FHIP1A: variants seen among roughly 807,000 people sequenced by gnomAD.
The protein encoded by FHIP1A is FHF complex subunit HOOK-interacting protein 1A.
Under a neutral mutation model 88.6 loss-of-function variants are expected in FHIP1A, and 61 were observed. The observed-to-expected ratio is 0.69, with a 90% confidence interval of 0.56 to 0.85. The LOEUF (loss-of-function observed/expected upper bound fraction) is 0.85. Ranked by LOEUF, FHIP1A falls within the 40% of genes least tolerant of loss-of-function variation. The pLI, the probability that FHIP1A is intolerant of heterozygous loss-of-function variation, is 0.00. For synonymous variants in FHIP1A, 478 were observed against 496.0 expected, an observed-to-expected ratio of 0.96 and a Z score of 0.48; for missense variants, 1,154 against 1,273.5, an observed-to-expected ratio of 0.91 and a Z score of 1.43.
chr4:151,566,022 AT>A, intron 3 of FHIP1A, 115 bp from the exon 4 acceptor site: 2 of 321,020 alleles, frequency 6.2e-6, no homozygotes, highest in Non-Finnish European at 5.7e-6. Flanking sequence ...TGTTTTGTAG[AT>A]TTTTTTCTGT....
At chr4:151,513,607 G>C (rs1486089189) in intron 3 of FHIP1A, among the ~76,000 whole-genome samples, 1 of 151,824 alleles carries the variant, frequency 6.6e-6, no homozygotes, top group Non-Finnish European at 1.5e-5. Context: ...GATGGAGGAA[G>C]ATCTACCAAG....
intron 2 of FHIP1A, among the ~76,000 whole-genome samples, chr4:151,459,201 G>A (rs967323002): frequency 1.3e-5 from 2 of 151,708 alleles, no homozygotes; most frequent in African/African-American, 4.8e-5. Flanking sequence ...ACACACACGT[G>A]CACAAAAAGT....
At chr4:151,586,142 C>T (rs1490423350) in intron 5 of FHIP1A, among the ~76,000 whole-genome samples, 1 of 152,120 alleles carries the variant, frequency 6.6e-6, no homozygotes, top group Non-Finnish European at 1.5e-5. Context: ...TGGAATCTTT[C>T]CCATAAAGCT....
Position 151,638,788 on chromosome 4 carries a change from A to G in FHIP1A, c.1226+32A>G, listed in dbSNP as rs536287650. On this transcript the variant is annotated intron_variant, in intron 9 of 13. Coordinates refer to ENST00000435205, the MANE Select transcript of FHIP1A (RefSeq NM_001109977.3). ...TGCCTTTTTTGTTTCCTTTAAAGAAAAATTCACTTTATACTTTATATTACT... is the reference window on the plus strand; with the variant it reads ...TGCCTTTTTTGTTTCCTTTAAAGAAGAATTCACTTTATACTTTATATTACT... 4 of 1,256,606 alleles carry G rather than the reference A, an allele frequency of 3.2e-6. No homozygotes were observed. The East Asian group carries it at 1.0e-4, about 32-fold the overall frequency. 77.8% of individuals were successfully genotyped at this position (1,256,606 alleles called of 1,614,324 possible).
At chr4:151,555,971 T>A (rs1257999580) in intron 3 of FHIP1A, among the ~76,000 whole-genome samples, 1 of 152,136 alleles carries the variant, frequency 6.6e-6, no homozygotes, top group Non-Finnish European at 1.5e-5. Context: ...TACTCTAAGG[T>A]TTACATTCTC....
chr4:151,650,494 T>A lies in FHIP1A; in HGVS notation c.2453T>A (p.Met818Lys). The A allele has an allele frequency of 6.4e-7, 1 of 1,551,564 alleles. No individual in the cohort carries two copies. The highest frequency in any genetic ancestry group is 2.0e-5 in the Admixed American group (1 of 51,010). Reference protein sequence around the residue: ...EDDFDSFIAEMPAVETVPSPF... With the variant: ...EDDFDSFIAEKPAVETVPSPF... Reference sequence around the variant, plus strand: ...GACTTTGACTCTTTTATAGCGGAGATGCCTGCTGTAGAGACTGTGCCTTCC... The same window carrying A: ...GACTTTGACTCTTTTATAGCGGAGAAGCCTGCTGTAGAGACTGTGCCTTCC... The change falls in exon 11 of 14, where the codon ATG becomes AAG. Residue 818 changes from methionine to lysine, a missense_variant. Coordinates refer to ENST00000435205, the MANE Select transcript of FHIP1A (RefSeq NM_001109977.3).
intron 4 of FHIP1A, among the ~76,000 whole-genome samples, chr4:151,575,307 T>C (rs1245003330): frequency 1.3e-5 from 2 of 152,150 alleles, no homozygotes; most frequent in Non-Finnish European, 2.9e-5. Flanking sequence ...GGCTGGACCA[T>C]GTGTGGTGTG....
intron 3 of FHIP1A, among the ~76,000 whole-genome samples, chr4:151,546,977 G>T (rs1340185044): frequency 6.6e-6 from 1 of 152,048 alleles, no homozygotes; most frequent in African/African-American, 2.4e-5. Flanking sequence ...AGCAGCACCC[G>T]CCACCCCCTG....
At position 151,649,684 on chromosome 4, in the gene FHIP1A, C is replaced by T. The variant is rs1345097234; in HGVS notation, c.1643C>T (p.Ala548Val). The T allele has an allele frequency of 6.4e-7, 1 of 1,551,504 alleles. No homozygotes were observed. The highest frequency in any genetic ancestry group is 8.7e-7 in the Non-Finnish European group (1 of 1,146,924). The change falls in exon 11 of 14, where the codon GCC becomes GTC. Residue 548 changes from alanine (A) to valine (V), a missense_variant. Ala to Val is a moderately conservative substitution (Grantham distance 64, BLOSUM62 0). Transcript: ENST00000435205. ...SLTEEGSVSS[A>V]CPVFGLPQQL... ...ACGGAGGAGGGCAGTGTGAGCTCGGCCTGCCCTGTGTTCGGGCTCCCGCAA... is the reference window on the plus strand; with the variant it reads ...ACGGAGGAGGGCAGTGTGAGCTCGGTCTGCCCTGTGTTCGGGCTCCCGCAA...
intron 1 of FHIP1A, among the ~76,000 whole-genome samples, chr4:151,413,534 A>G (rs1042353675): frequency 2.5e-4 from 38 of 152,176 alleles, no homozygotes; most frequent in Admixed American, 3.9e-4. Context: ...AGCTCACTGC[A>G]ACCTTCGCCT....
intron 3 of FHIP1A, among the ~76,000 whole-genome samples, chr4:151,525,854 T>A (rs1975456): frequency 0.52 from 78,037 of 150,674 alleles, 20,532 homozygotes; most frequent in African/African-American, 0.55. Flanking sequence ...AGGTCAGCAG[T>A]TAAACAAGTG....
intron 3 of FHIP1A, among the ~76,000 whole-genome samples, chr4:151,521,623 C>G (rs192537954): frequency 6.6e-6 from 1 of 152,200 alleles, no homozygotes; most frequent in Non-Finnish European, 1.5e-5. Context: ...ACTGTTATAT[C>G]TGCCTTCTAA....
At chr4:151,505,970 T>C (rs1452563434) in intron 3 of FHIP1A, among the ~76,000 whole-genome samples, 1 of 152,214 alleles carries the variant, frequency 6.6e-6, no homozygotes, top group South Asian at 2.1e-4. Context: ...TCACCCAAGC[T>C]GGAGTACAGT....
intron 1 of FHIP1A, among the ~76,000 whole-genome samples, chr4:151,411,363 A>C (rs1390702541): frequency 3.7e-5 from 1 of 27,032 alleles, no homozygotes; most frequent in African/African-American, 1.4e-4. Context: ...TTTTTTTTTT[A>C]AAGTTAGGGT....
In FHIP1A at chr4:151,656,213, C is replaced by A; in HGVS notation, c.2552-19C>A. The A allele has an allele frequency of 6.5e-7, 1 of 1,548,380 alleles. No homozygotes were observed. The highest frequency in any genetic ancestry group is 8.7e-7 in the Non-Finnish European group (1 of 1,144,220). The stretch of plus-strand genomic sequence containing the variant: ...CCTGTGAGCCCAGCCAGCCCTGAAG[C>A]CTTGTGTTCTTCCTGCAGGCCCATT... On this transcript the variant is annotated intron_variant, in intron 11 of 13. Coordinates refer to ENST00000435205, the MANE Select transcript of FHIP1A (RefSeq NM_001109977.3). This position sits in a 1 kb window ranked among gnomAD's most constrained non-coding sequence, Gnocchi z 4.2.
intron 1 of FHIP1A, among the ~76,000 whole-genome samples, chr4:151,416,327 G>C (rs1046645610): frequency 1.3e-5 from 2 of 152,048 alleles, no homozygotes; most frequent in Non-Finnish European, 2.9e-5. Flanking sequence ...AGAGGAGTGT[G>C]TCTTATTCCT....
chr4:151,470,412 G>A (rs1012288708), intron 2 of FHIP1A, among the ~76,000 whole-genome samples: 1 of 152,136 alleles, frequency 6.6e-6, no homozygotes, highest in Non-Finnish European at 1.5e-5. Flanking sequence ...AAATATTCTT[G>A]TTCAGACATG....
chr4:151,658,203 C>T (rs976295784), intron 13 of FHIP1A, among the ~76,000 whole-genome samples: 2 of 152,186 alleles, frequency 1.3e-5, no homozygotes, highest in African/African-American at 2.4e-5. Flanking sequence ...CTGAACAGGG[C>T]GCATGCTGCT....
chr4:151,588,283 A>G (rs1343440318), intron 6 of FHIP1A, among the ~76,000 whole-genome samples: 5 of 152,176 alleles, frequency 3.3e-5, no homozygotes, highest in Admixed American at 2.6e-4. Context: ...AATATTATCT[A>G]TTTTTCTGAA....
Sources: allele counts gnomAD v4.1 joint callset (sites outside exome capture counted in the v4.1 genomes callset), GRCh38; gene constraint gnomAD v4.1.1; non-coding constraint Gnocchi (gnomAD v3.1); transcripts MANE v1.5; gene names NCBI Gene and HGNC (gene_info 2026-07-23, HGNC 2026-07-21).